Variants in LAMB4 observed in about 807,000 individuals in gnomAD.
LAMB4 encodes the protein laminin subunit beta-4.
Under a neutral mutation model 199.2 loss-of-function variants are expected in LAMB4, and 196 were observed. The ratio of observed to expected loss-of-function variants is 0.98; its 90% CI spans 0.88 to 1.11. The LOEUF (loss-of-function observed/expected upper bound fraction) is 1.11, where lower values mean the gene tolerates loss of function less well. Among genes scored for constraint, LAMB4 ranks in the 50% least tolerant of loss-of-function variants. LAMB4 has a pLI of 0.00. For missense variants in LAMB4, 2,080 were observed against 2,171.2 expected, an observed-to-expected ratio of 0.96 and a Z score of 0.83; for synonymous variants, 744 against 770.6, an observed-to-expected ratio of 0.97 and a Z score of 0.57.
intron 3 of LAMB4, among the ~76,000 whole-genome samples, chr7:108,115,058 T>C (rs535660461): frequency 6.6e-6 from 1 of 152,330 alleles, no homozygotes; most frequent in Non-Finnish European, 1.5e-5. Flanking sequence ...ATGTTCAGCA[T>C]AATGGCAGCA....
intron 29 of LAMB4, among the ~76,000 whole-genome samples, chr7:108,040,538 C>T (rs189969116): frequency 1.2e-4 from 18 of 152,260 alleles, no homozygotes; most frequent in Admixed American, 1.2e-3. Flanking sequence ...ACCAAAACAG[C>T]ATGGTGCTAG....
At chr7:108,105,765 A>G in intron 8 of LAMB4, 52 bp downstream of exon 8, 10 of 1,466,858 alleles carry the variant, frequency 6.8e-6, no homozygotes, top group Non-Finnish European at 3.8e-6. Context: ...TAGCACCAGG[A>G]CAGTGAAAGG....
rs1450356402 is a variant in LAMB4 at position 108,096,915 on chromosome 7, GACAAA to G, written c.1360+1483_1360+1487del. Among the ~76,000 whole-genome samples, 8 of 100,254 alleles carry G rather than the reference GACAAA, an allele frequency of 8.0e-5. No homozygotes were observed. The East Asian group carries it at 2.7e-3, about 34-fold the overall frequency. 65.8% of individuals were successfully genotyped at this position (100,254 alleles called of 152,430 possible). ...TGTGCCACTGTAAGCCAGCCTTGAT[GACAAA>G]ACAAGACTCTGTCTCTCTCAAAAAA... On this transcript the variant is annotated intron_variant, in intron 11 of 33. Coordinates refer to ENST00000388781, the MANE Select transcript of LAMB4 (RefSeq NM_007356.3).
chr7:108,110,114 C>T (rs2150668575), intron 4 of LAMB4, among the ~76,000 whole-genome samples: 1 of 152,324 alleles, frequency 6.6e-6, no homozygotes, highest in Non-Finnish European at 1.5e-5. Context: ...ACTGCAACCT[C>T]TGCCTCCCGG....
At chr7:108,069,430 T>C (rs1292018345) in intron 18 of LAMB4, among the ~76,000 whole-genome samples, 2 of 152,244 alleles carry the variant, frequency 1.3e-5, no homozygotes, top group Admixed American at 1.3e-4. Flanking sequence ...GAAAGATGTC[T>C]GGAGTTCCTT....
At chr7:108,076,322 T>C (rs10226708) in intron 17 of LAMB4, among the ~76,000 whole-genome samples, 35,747 of 152,040 alleles carry the variant, frequency 0.24, 8,758 homozygotes, top group African/African-American at 0.63. Flanking sequence ...GAATGCCCAT[T>C]GCCCCACTCT....
Position 108,105,915 on chromosome 7 carries a change from C to A in LAMB4, c.772G>T (p.Glu258Ter). 6.2e-7 allele frequency: 1 copy of A among 1,614,222 alleles called. No individual in the cohort carries two copies. Among genetic ancestry groups the A allele is most frequent in the Non-Finnish European group, 8.5e-7 (1 of 1,180,024 alleles). ...AAGCAGCTTCCCCGAACAATCATCT[C>A]GTACAGAGCATAGTAGTATTTATCA... is the stretch of plus-strand genomic sequence containing the variant. Reference protein sequence around the residue: ...SLDKYYYALYEMIVRGSCFCN... With the variant: ...SLDKYYYALY Residue 258 changes from glutamate to a stop codon, truncating the protein, a stop_gained, in exon 8 of 34, where the codon GAG (glutamate) becomes TAG (stop). Coordinates refer to ENST00000388781, the MANE Select transcript of LAMB4 (RefSeq NM_007356.3). LOFTEE classifies it high-confidence loss of function.
intron 6 of LAMB4, 131 bp from the exon 7 acceptor site, chr7:108,106,703 C>T: frequency 3.5e-6 from 2 of 568,098 alleles, no homozygotes; most frequent in Non-Finnish European, 6.3e-6. Flanking sequence ...TAGCTGAGAC[C>T]ACAGGCATGC....
At chr7:108,091,849 G>A in intron 13 of LAMB4, 73 bp from the exon 14 acceptor site, 1 of 1,454,420 alleles carries the variant, frequency 6.9e-7, no homozygotes, top group Non-Finnish European at 9.5e-7. Flanking sequence ...GGGGTGCTGG[G>A]CTAATGCTCC....
intron 1 of LAMB4, 150 bp from the exon 2 acceptor site, chr7:108,123,347 G>C (rs113726317): frequency 2.9e-4 from 120 of 411,306 alleles, no homozygotes; most frequent in African/African-American, 2.2e-3. Context: ...AAAAATAAGA[G>C]TGCATAAACA....
At position 108,048,050 on chromosome 7, in the gene LAMB4, G is replaced by A. The variant is rs187471926; in HGVS notation, c.4184C>T (p.Thr1395Met). Reference protein sequence around the residue: ...VPLPCGGALCTGRKGHRKCRG... With the variant: ...VPLPCGGALCMGRKGHRKCRG... ...ACACTTCCTGTGCCCCTTCCGGCCC[G>A]TGCAGAGAGCACCGCCACAGGGCAA... The change falls in exon 28 of 34, where the codon ACG becomes ATG. Residue 1395 changes from threonine to methionine, a missense_variant. Physicochemically the swap from Thr to Met is moderately conservative, Grantham distance 81 (BLOSUM62 -1). Transcript: ENST00000388781. The A allele has an allele frequency of 5.0e-6, 8 of 1,613,884 alleles. No individual in the cohort carries two copies. Among genetic ancestry groups the A allele is most frequent in the South Asian group, 4.4e-5 (4 of 91,082 alleles).
Position 108,120,023 on chromosome 7 carries a change from A to C in LAMB4, c.34+3108T>G, listed in dbSNP as rs2038544599. On this transcript the variant is annotated intron_variant, in intron 2 of 33. Coordinates refer to ENST00000388781, the MANE Select transcript of LAMB4 (RefSeq NM_007356.3). ...ACCAAGCAAATCCCAGACTCTAAAA[A>C]TACACATGTGACATGTTCTAGCTGC... Among the ~76,000 whole-genome samples, 3 of 152,198 alleles carry C rather than the reference A, an allele frequency of 2.0e-5. No homozygotes were observed. The South Asian group carries it at 6.2e-4, about 32-fold the overall frequency.
In LAMB4 at chr7:108,043,545, G is replaced by GTTTTT. The variant is rs748169558; in HGVS notation, c.4471+202_4471+206dup. On this transcript the variant is annotated intron_variant, in intron 29 of 33. Transcript: ENST00000388781. ...AATATAATTTGGAACTGGCTATGATGTTTTTTTTTTTTTTTTTTTTTTTTT... is the reference window on the plus strand; with the variant it reads ...AATATAATTTGGAACTGGCTATGATGTTTTTTTTTTTTTTTTTTTTTTTTTTTTTT... 4.1e-4 allele frequency among the ~76,000 whole-genome samples: 23 copies of GTTTTT among 55,970 alleles called. 1 individual carries two copies. Among genetic ancestry groups the GTTTTT allele is most frequent in the African/African-American group, 5.8e-4 (4 of 6,848 alleles). 36.7% of individuals were successfully genotyped at this position (55,970 alleles called of 152,430 possible). A position where few individuals can be genotyped will look rare whatever the true frequency, so the allele number is the denominator to read the frequency against.
intron 30 of LAMB4, among the ~76,000 whole-genome samples, chr7:108,034,639 A>G (rs1238096060): frequency 2.6e-5 from 4 of 152,214 alleles, no homozygotes; most frequent in Admixed American, 6.5e-5. Flanking sequence ...ATCTTTGCAC[A>G]TAAAAACTAT....
chr7:108,106,408 A>G, intron 7 of LAMB4, 101 bp downstream of exon 7: 1 of 718,178 alleles, frequency 1.4e-6, no homozygotes, highest in Non-Finnish European at 2.3e-6. Flanking sequence ...ACAGGGCAAG[A>G]CTCCGTCTCA....
chr7:108,121,985 G>A (rs1426019186), intron 2 of LAMB4, among the ~76,000 whole-genome samples: 2 of 152,128 alleles, frequency 1.3e-5, no homozygotes, highest in African/African-American at 4.8e-5. Context: ...GTTTGACCAT[G>A]GCAACTCAAG....
chr7:108,125,682 C>T (rs147941343), intron 1 of LAMB4, among the ~76,000 whole-genome samples: 255 of 152,290 alleles, frequency 1.7e-3, no homozygotes, highest in African/African-American at 5.7e-3. Context: ...TTTCCTACAT[C>T]GGACAGGTGG....
intron 19 of LAMB4, among the ~76,000 whole-genome samples, chr7:108,067,552 G>A (rs1188495414): frequency 6.6e-6 from 1 of 152,206 alleles, no homozygotes; most frequent in Non-Finnish European, 1.5e-5. Context: ...TGCAAACCTC[G>A]CATCAGAAAG....
At chr7:108,032,080 T>C (rs2035058033) in intron 31 of LAMB4, among the ~76,000 whole-genome samples, 1 of 152,188 alleles carries the variant, frequency 6.6e-6, no homozygotes, top group South Asian at 2.1e-4. Context: ...TCATTATTTC[T>C]GATGACTCTT....
Sources: gnomAD v4.1 joint callset for allele counts (sites outside exome capture counted in the v4.1 genomes callset) on GRCh38, gnomAD v4.1.1 for gene constraint, MANE v1.5 for transcripts, NCBI Gene and HGNC (gene_info 2026-07-23, HGNC 2026-07-21) for gene names.